The following NGEF variants were observed in gnomAD, a reference collection of about 807,000 sequenced individuals.
The protein encoded by NGEF is ephexin-1.
In NGEF, 31 loss-of-function variants were observed where a neutral mutation model predicts 80.9. The observed-to-expected ratio is 0.38, with a 90% confidence interval of 0.29 to 0.52. The LOEUF is 0.52. NGEF is among the 20% of genes least tolerant of loss of function. The pLI is 0.84. For missense variants in NGEF, 709 were observed against 926.2 expected, an observed-to-expected ratio of 0.77 and a Z score of 3.04; for synonymous variants, 371 against 370.2, an observed-to-expected ratio of 1.00 and a Z score of -0.03.
chr2:232,964,587 G>A (rs1176748493), intron 3 of NGEF, among the ~76,000 whole-genome samples: 4 of 152,046 alleles, frequency 2.6e-5, no homozygotes, highest in South Asian at 2.1e-4. Flanking sequence ...CCACATATTC[G>A]GGAGGCAGGA....
intron 3 of NGEF, chr2:232,927,981 C>T (rs1373479782): frequency 1.6e-6 from 2 of 1,282,868 alleles, no homozygotes; most frequent in South Asian, 5.3e-5. Flanking sequence ...GCGCTGAAGG[C>T]AGCGGCCAGC....
In NGEF at chr2:232,946,984, G is replaced by A. The variant is rs1395945230; in HGVS notation, c.384-19798C>T. Among the ~76,000 whole-genome samples the A allele has an allele frequency of 2.6e-5, 4 of 152,172 alleles. No homozygotes were observed. In the East Asian group the frequency reaches 7.7e-4, roughly 29 times the overall value. On this transcript the variant is annotated intron_variant, in intron 3 of 14. Coordinates refer to ENST00000264051, the MANE Select transcript of NGEF (RefSeq NM_019850.3). The stretch of plus-strand genomic sequence containing the variant: ...GAAAATCAACTAATGTAAGTATGAG[G>A]AGTGCTAGAACATTCCCATTTTGCA...
intron 6 of NGEF, among the ~76,000 whole-genome samples, chr2:232,894,024 G>T (rs1189867099): frequency 1.3e-5 from 2 of 152,174 alleles, no homozygotes; most frequent in Admixed American, 1.3e-4. Context: ...GGGCTGCGCC[G>T]GGCCCCACCT....
At chr2:233,007,574 A>T (rs1695112835) in intron 1 of NGEF, among the ~76,000 whole-genome samples, 1 of 152,328 alleles carries the variant, frequency 6.6e-6, no homozygotes. Context: ...ACATGAGAAG[A>T]TGCTGGCTGT....
At chr2:232,893,785 A>C (rs1010926329) in intron 6 of NGEF, among the ~76,000 whole-genome samples, 1 of 152,164 alleles carries the variant, frequency 6.6e-6, no homozygotes, top group Non-Finnish European at 1.5e-5. Flanking sequence ...CAAAAAAAAT[A>C]AAAAAGAAGT....
chr2:232,895,616 C>T (rs891725452), intron 5 of NGEF, among the ~76,000 whole-genome samples: 1 of 151,786 alleles, frequency 6.6e-6, no homozygotes, highest in Non-Finnish European at 1.5e-5. Context: ...CTAGTGGGTG[C>T]GAAAGTCAGC....
chr2:232,884,070 G>A lies in NGEF; in HGVS notation c.1512C>T (p.Thr504=), dbSNP rs755056921. The change falls in exon 11 of 15, where the codon ACC becomes ACT. Residue 504 remains threonine, a synonymous_variant. Coordinates refer to ENST00000264051, the MANE Select transcript of NGEF (RefSeq NM_019850.3). ...GCTTCTTGGTCCTCAGGGTCCGGGAGGTCTTGGGGCCTGACATCTGCTGCA... is the reference window on the plus strand; with the variant it reads ...GCTTCTTGGTCCTCAGGGTCCGGGAAGTCTTGGGGCCTGACATCTGCTGCA... ...GELQQMSGPK[T]SRTLRTKKLF... is the part of the protein sequence containing the mutation. 6.2e-7 allele frequency: 1 copy of A among 1,613,016 alleles called. No homozygotes were observed.
chr2:232,919,233 C>T (rs1692880367), intron 5 of NGEF, among the ~76,000 whole-genome samples: 1 of 152,070 alleles, frequency 6.6e-6, no homozygotes, highest in South Asian at 2.1e-4. Flanking sequence ...TAAACAAGAG[C>T]AAATGTTTCC....
At position 232,888,087 on chromosome 2, in the gene NGEF, T is replaced by C; in HGVS notation, c.1293A>G (p.Glu431=). The C allele has an allele frequency of 6.2e-7, 1 of 1,607,808 alleles. No homozygotes were observed. The highest frequency in any genetic ancestry group is 8.5e-7 in the Non-Finnish European group (1 of 1,178,166). The part of the protein sequence containing the change: ...LLVQNILKRV[E]ERSERECTAL... ...CAGTGCACTCCCGCTCAGACCTCTC[T>C]TCTACCCTCTTCAGGATGTTCTATG... The change falls in exon 9 of 15, where the codon GAA becomes GAG. Residue 431 remains glutamate (E), a synonymous_variant. Coordinates refer to ENST00000264051, the MANE Select transcript of NGEF (RefSeq NM_019850.3).
At chr2:232,897,071 G>C (rs1408477033) in intron 5 of NGEF, among the ~76,000 whole-genome samples, 1 of 134,846 alleles carries the variant, frequency 7.4e-6, no homozygotes, top group Non-Finnish European at 1.6e-5. Flanking sequence ...AGTAGGGGTG[G>C]GGTGAGGGGT....
At position 232,903,183 on chromosome 2, in the gene NGEF, C is replaced by T. The variant is rs572904102; in HGVS notation, c.829-8267G>A. On this transcript the variant is annotated intron_variant, in intron 5 of 14. Transcript: ENST00000264051. Reference sequence around the variant, plus strand: ...TTTAACCTTTCACCCAACAATCCCACTTAGCAATTCCCTTAGCATTCCACT... The same window carrying T: ...TTTAACCTTTCACCCAACAATCCCATTTAGCAATTCCCTTAGCATTCCACT... 2.0e-5 allele frequency among the ~76,000 whole-genome samples: 3 copies of T among 152,342 alleles called. No homozygotes were observed. The South Asian group carries it at 6.2e-4, about 32-fold the overall frequency.
In NGEF at chr2:232,891,100, CCT is replaced by C. The variant is rs1165173461; in HGVS notation, c.1272+256_1272+257del. On this transcript the variant is annotated intron_variant, in intron 8 of 14. Transcript: ENST00000264051. ...AACTGGCAGTGGCCAGCCAGCCACC[CCT>C]GTCGTGTCGGCCCATTTGGCTGTCC... The C allele has an allele frequency of 1.1e-5, 6 of 569,110 alleles. No individual in the cohort carries two copies. The East Asian group carries it at 2.0e-4, about 19-fold the overall frequency. The allele number at this position is 569,110 out of a possible 1,614,324, so 35.3% of individuals were successfully genotyped here.
intron 5 of NGEF, among the ~76,000 whole-genome samples, chr2:232,917,937 CTAAT>C (rs1692845674): frequency 6.6e-6 from 1 of 151,976 alleles, no homozygotes; most frequent in African/African-American, 2.4e-5. Context: ...CTATACCCGG[CTAAT>C]TAATTATTTT....
intron 1 of NGEF, among the ~76,000 whole-genome samples, chr2:233,012,075 A>AAGAGAG (rs145842578): frequency 6.6e-6 from 1 of 150,830 alleles, no homozygotes; most frequent in African/African-American, 2.4e-5. Flanking sequence ...TAAATGGAAA[A>AAGAGAG]AGAGAGAGAG....
At chr2:232,951,073 C>T (rs1006022722) in intron 3 of NGEF, among the ~76,000 whole-genome samples, 2 of 152,126 alleles carry the variant, frequency 1.3e-5, no homozygotes, top group African/African-American at 4.8e-5. Context: ...GCCTTAGAGG[C>T]CGGCACCTTC....
At chr2:232,888,292 A>G (rs775101941) in intron 8 of NGEF, among the ~76,000 whole-genome samples, 185 bp from the exon 9 acceptor site, 16 of 149,876 alleles carry the variant, frequency 1.1e-4, no homozygotes, top group African/African-American at 2.5e-4. Flanking sequence ...CTGCGTGTGC[A>G]CACACGTGCA....
At chr2:232,994,877 T>C (rs1415111233) in intron 1 of NGEF, among the ~76,000 whole-genome samples, 1 of 151,712 alleles carries the variant, frequency 6.6e-6, no homozygotes, top group Non-Finnish European at 1.5e-5. Flanking sequence ...TATACATATA[T>C]GGATATATAC....
Position 232,920,584 on chromosome 2 carries a change from C to A in NGEF, c.528G>T (p.Gly176=). Reference sequence around the variant, plus strand: ...TATCTCGGTATTCCTGATACAGGAGCCCTGAAATCAAAGAGTTGTAAAAAA... The same window carrying A: ...TATCTCGGTATTCCTGATACAGGAGACCTGAAATCAAAGAGTTGTAAAAAA... ...DSWRNLIEQI[G]LLYQEYRDKS... is the part of the protein sequence containing the mutation. Residue 176 remains glycine (G), a splice_region_variant and synonymous_variant, in exon 5 of 15, where the codon GGG becomes GGT. Coordinates refer to ENST00000264051, the MANE Select transcript of NGEF (RefSeq NM_019850.3). 3 of 1,510,408 alleles carry A rather than the reference C, an allele frequency of 2.0e-6. No homozygotes were observed. The highest frequency in any genetic ancestry group is 2.7e-6 in the Non-Finnish European group (3 of 1,128,896). The allele number at this position is 1,510,408 out of a possible 1,614,324, so 93.6% of individuals were successfully genotyped here.
In NGEF at chr2:232,974,866, A is replaced by G; in HGVS notation, c.25T>C (p.Leu9=). 2.5e-6 allele frequency: 4 copies of G among 1,613,758 alleles called. No homozygotes were observed. Among genetic ancestry groups the G allele is most frequent in the Non-Finnish European group, 3.4e-6 (4 of 1,179,954 alleles). The change falls in exon 2 of 15, where the codon TTG becomes CTG. Residue 9 remains leucine (L), a synonymous_variant. Coordinates refer to ENST00000264051, the MANE Select transcript of NGEF (RefSeq NM_019850.3). METRESED[L]EKTRRKSASD... ...GCTGATTTCCTCCGGGTCTTTTCCA[A>G]ATCTTCAGATTCCCTGGTCTCCATG...
Sources: gnomAD v4.1 joint callset for allele counts (sites outside exome capture counted in the v4.1 genomes callset) on GRCh38, gnomAD v4.1.1 for gene constraint, MANE v1.5 for transcripts, NCBI Gene and HGNC (gene_info 2026-07-23, HGNC 2026-07-21) for gene names.